AXDND1: variants seen among roughly 807,000 people sequenced by gnomAD.
AXDND1 encodes axonemal dynein light chain domain-containing protein 1.
Under a neutral mutation model 137.5 loss-of-function variants are expected in AXDND1, and 110 were observed. The observed-to-expected ratio is 0.80, with a 90% CI of 0.69 to 0.94. The LOEUF (loss-of-function observed/expected upper bound fraction) is 0.94. Among genes scored for constraint, AXDND1 ranks in the 40% least tolerant of loss-of-function variants. The pLI is 0.00. For missense variants in AXDND1, 1,191 were observed against 1,169.8 expected, an observed-to-expected ratio of 1.02 and a Z score of -0.26; for synonymous variants, 414 against 399.7, an observed-to-expected ratio of 1.04 and a Z score of -0.43.
At chr1:179,417,912 T>A (rs1195564807) in intron 12 of AXDND1, among the ~76,000 whole-genome samples, 1 of 151,788 alleles carries the variant, frequency 6.6e-6, no homozygotes, top group Non-Finnish European at 1.5e-5. Flanking sequence ...CTTGTATAGA[T>A]CTTTTACTTC....
chr1:179,507,892 T>G (rs1668683998), intron 20 of AXDND1, among the ~76,000 whole-genome samples: 1 of 152,222 alleles, frequency 6.6e-6, no homozygotes, highest in Non-Finnish European at 1.5e-5. Context: ...TTCTTCCTGA[T>G]ATGCAATAAG....
chr1:179,485,053 A>G (rs1335718865), intron 18 of AXDND1, among the ~76,000 whole-genome samples: 1 of 152,196 alleles, frequency 6.6e-6, no homozygotes, highest in Non-Finnish European at 1.5e-5. Context: ...CCAGTCCTGC[A>G]TCTGCCAGCA....
chr1:179,366,104 CG>C (rs1235092017), intron 1 of AXDND1, 104 bp downstream of exon 1: 1 of 151,276 alleles, frequency 6.6e-6, no homozygotes, highest in Non-Finnish European at 1.4e-5. Context: ...AACTGGCGCG[CG>C]AGAGCGCTGC....
chr1:179,412,326 T>C (rs1259663461), intron 12 of AXDND1, among the ~76,000 whole-genome samples: 1 of 152,212 alleles, frequency 6.6e-6, no homozygotes, highest in Non-Finnish European at 1.5e-5. Flanking sequence ...CTAGGTACAG[T>C]GAATTTTGAT....
chr1:179,393,262 A>G (rs1439836222), intron 9 of AXDND1, among the ~76,000 whole-genome samples: 1 of 152,150 alleles, frequency 6.6e-6, no homozygotes, highest in Non-Finnish European at 1.5e-5. Context: ...GCTTTGTTGC[A>G]GATCAGTTGG....
chr1:179,524,250 C>A (rs909454631), intron 21 of AXDND1, among the ~76,000 whole-genome samples: 3 of 152,094 alleles, frequency 2.0e-5, no homozygotes, highest in African/African-American at 7.2e-5. Context: ...ACTTTTAGTT[C>A]TTTAAGGAAT....
At chr1:179,403,259 A>G (rs1314979265) in intron 11 of AXDND1, among the ~76,000 whole-genome samples, 4 of 152,212 alleles carry the variant, frequency 2.6e-5, no homozygotes, top group East Asian at 3.8e-4. Context: ...ATTCATTGAT[A>G]TTGTACATTT....
intron 15 of AXDND1, among the ~76,000 whole-genome samples, chr1:179,435,700 G>T (rs1344802959): frequency 6.6e-6 from 1 of 152,196 alleles, no homozygotes; most frequent in Middle Eastern, 3.4e-3. Flanking sequence ...ACTCAAGATG[G>T]ATTAAAGACT....
At chr1:179,553,794 T>A (rs181186863) in intron 25 of AXDND1, among the ~76,000 whole-genome samples, 2 of 152,264 alleles carry the variant, frequency 1.3e-5, no homozygotes, top group Non-Finnish European at 2.9e-5. Context: ...TCACCCGGGC[T>A]GGAGTGCAAT....
chr1:179,444,886 T>G (rs1030038889), intron 15 of AXDND1, 84 bp from the exon 16 acceptor site: 4 of 877,196 alleles, frequency 4.6e-6, no homozygotes, highest in African/African-American at 1.7e-5. Flanking sequence ...TAATTGGGAG[T>G]CACTGGGGAA....
At chr1:179,501,688 C>T (rs1052138216) in intron 20 of AXDND1, among the ~76,000 whole-genome samples, 2 of 151,832 alleles carry the variant, frequency 1.3e-5, no homozygotes, top group African/African-American at 4.8e-5. Flanking sequence ...CCAGCCTGGG[C>T]GACAGAGTGA....
intron 9 of AXDND1, among the ~76,000 whole-genome samples, chr1:179,386,050 CTTTTTTTTTTTTT>C (rs71111980): frequency 2.0e-5 from 2 of 102,426 alleles, no homozygotes; most frequent in African/African-American, 3.9e-5. Flanking sequence ...GGATTTTTTC[CTTTTTTTTTTTTT>C]TTTTTTTTGA....
chr1:179,551,070 T>G (rs1673179052), intron 25 of AXDND1: 2 of 1,450,720 alleles, frequency 1.4e-6, no homozygotes, highest in Non-Finnish European at 1.9e-6. Flanking sequence ...CCATTCCATA[T>G]GGCAACCAAA....
At chr1:179,435,051 T>C (rs1317820345) in intron 15 of AXDND1, among the ~76,000 whole-genome samples, 1 of 151,846 alleles carries the variant, frequency 6.6e-6, no homozygotes. Flanking sequence ...ACCAACAATA[T>C]ACAAGCAGAG....
Position 179,379,521 on chromosome 1 carries a change from C to T in AXDND1, c.581+39C>T, listed in dbSNP as rs111551536. ...TATGTAAAAAATACCTGCCCCAGCT[C>T]GGTGGCCCATGCCTGTAATCCCAGC... is the stretch of plus-strand genomic sequence containing the variant. On this transcript the variant is annotated intron_variant, in intron 6 of 25. Coordinates refer to ENST00000367618, the MANE Select transcript of AXDND1 (RefSeq NM_144696.6). 7.8e-4 allele frequency: 1,255 copies of T among 1,604,248 alleles called. 3 individuals carry two copies. In the African/African-American group the frequency reaches 0.014, roughly 18 times the overall value.
At chr1:179,451,315 G>T (rs1660512726) in intron 16 of AXDND1, 1 of 143,956 alleles carries the variant, frequency 6.9e-6, no homozygotes, top group Non-Finnish European at 1.5e-5. Flanking sequence ...TTTTGATTCA[G>T]TTTTGGTTGT....
chr1:179,487,135 A>G (rs1373690838), intron 18 of AXDND1, among the ~76,000 whole-genome samples: 1 of 148,810 alleles, frequency 6.7e-6, no homozygotes, highest in Non-Finnish European at 1.5e-5. Flanking sequence ...TCTACCAAGC[A>G]AATGGAAAAC....
intron 12 of AXDND1, among the ~76,000 whole-genome samples, chr1:179,420,901 G>A (rs1308084413): frequency 3.9e-5 from 6 of 152,118 alleles, no homozygotes; most frequent in East Asian, 1.9e-4. Flanking sequence ...GATTACAGGC[G>A]TGAGCTACCA....
At position 179,424,050 on chromosome 1, in the gene AXDND1, C is replaced by G. The variant is rs139944089; in HGVS notation, c.1231-5468C>G. ...GAGAGGTCTGGTGGTGGTAAATTCT[C>G]TCAGCTTGTGTTTGGGAAAGACTAT... On this transcript the variant is annotated intron_variant, in intron 12 of 25. Coordinates refer to ENST00000367618, the MANE Select transcript of AXDND1 (RefSeq NM_144696.6). Among the ~76,000 whole-genome samples, 370 of 152,202 alleles carry G rather than the reference C, an allele frequency of 2.4e-3. 2 individuals carry two copies. The highest frequency in any genetic ancestry group is 8.6e-3 in the African/African-American group (359 of 41,512).
Sources: allele counts gnomAD v4.1 joint callset (sites outside exome capture counted in the v4.1 genomes callset), GRCh38; gene constraint gnomAD v4.1.1; transcripts MANE v1.5; gene names NCBI Gene and HGNC (gene_info 2026-07-23, HGNC 2026-07-21).